The following PARD3 variants were observed in gnomAD, a reference collection of about 807,000 sequenced individuals.
The protein encoded by PARD3 is partitioning defective 3 homolog.
Under a neutral mutation model 155.4 loss-of-function variants are expected in PARD3, and 75 were observed. That is an observed-to-expected ratio of 0.48 (90% confidence interval 0.40 to 0.58). The LOEUF (loss-of-function observed/expected upper bound fraction) is 0.58, where lower values mean the gene tolerates loss of function less well. PARD3 is among the 20% of genes least tolerant of loss of function. PARD3 has a pLI of 0.00. For missense variants in PARD3, 1,642 were observed against 1,721.7 expected (o/e 0.95, Z 0.82); for synonymous variants, 576 against 610.5 (o/e 0.94, Z 0.83).
intron 1 of PARD3, among the ~76,000 whole-genome samples, chr10:34,715,629 C>G (rs570339056): frequency 2.0e-5 from 3 of 152,194 alleles, no homozygotes; most frequent in African/African-American, 7.2e-5. Flanking sequence ...CCCAGTCCCC[C>G]CAAAGCACTT....
intron 2 of PARD3, among the ~76,000 whole-genome samples, chr10:34,651,011 CAAAAAAAAAAAAAAAAAAAAAAA>C (rs60113552): frequency 0.096 from 4,294 of 44,578 alleles, 158 homozygotes; most frequent in Admixed American, 0.17. Context: ...AACTCTGTCT[CAAAAAAAAAAAAAAAAAAAAAAA>C]AAAAAAAAAA....
chr10:34,712,389 T>G (rs996148446), intron 1 of PARD3, among the ~76,000 whole-genome samples: 1 of 152,212 alleles, frequency 6.6e-6, no homozygotes, highest in African/African-American at 2.4e-5. Context: ...CACCTGGTGC[T>G]GCGCCCACCT....
chr10:34,516,446 G>C (rs1227819913), intron 3 of PARD3, among the ~76,000 whole-genome samples: 1 of 152,116 alleles, frequency 6.6e-6, no homozygotes, highest in Non-Finnish European at 1.5e-5. Flanking sequence ...GGAATACCCA[G>C]GGTCCTAGGA....
chr10:34,303,266 G>A (rs954981222), intron 20 of PARD3, among the ~76,000 whole-genome samples: 5 of 149,576 alleles, frequency 3.3e-5, no homozygotes, highest in Non-Finnish European at 7.4e-5. Context: ...AGTAACATCA[G>A]GCAACTGGCT....
intron 1 of PARD3, among the ~76,000 whole-genome samples, chr10:34,792,658 G>T (rs768155403): frequency 1.1e-4 from 16 of 152,092 alleles, no homozygotes; most frequent in African/African-American, 3.9e-4. Context: ...GTCGCCACCC[G>T]CTGGAGCTGC....
chr10:34,706,378 G>T (rs914547988), intron 1 of PARD3, among the ~76,000 whole-genome samples: 2 of 152,074 alleles, frequency 1.3e-5, no homozygotes, highest in Non-Finnish European at 2.9e-5. Context: ...GAAGCGTCAG[G>T]GTTGCTTGTC....
intron 6 of PARD3, among the ~76,000 whole-genome samples, chr10:34,399,986 A>G (rs1843721339): frequency 6.6e-6 from 1 of 152,226 alleles, no homozygotes; most frequent in African/African-American, 2.4e-5. Context: ...AGTCCAAGGG[A>G]GATCACCATT....
At chr10:34,225,749 T>C (rs774448836) in intron 22 of PARD3, among the ~76,000 whole-genome samples, 3 of 152,090 alleles carry the variant, frequency 2.0e-5, no homozygotes, top group Non-Finnish European at 2.9e-5. Context: ...AAATGGACCA[T>C]AGGCATGTAC....
chr10:34,637,283 C>T (rs1472556395), intron 2 of PARD3, among the ~76,000 whole-genome samples: 3 of 152,154 alleles, frequency 2.0e-5, no homozygotes, highest in Admixed American at 6.5e-5. Flanking sequence ...AGCATGCAAG[C>T]TTTTTCCCAA....
At chr10:34,532,492 GC>G (rs1191500622) in intron 2 of PARD3, among the ~76,000 whole-genome samples, 2 of 152,018 alleles carry the variant, frequency 1.3e-5, no homozygotes, top group African/African-American at 4.8e-5. Context: ...CACACCATGT[GC>G]CCGCTATGTG....
intron 21 of PARD3, among the ~76,000 whole-genome samples, chr10:34,273,764 A>G (rs1955745648): frequency 6.6e-6 from 1 of 152,222 alleles, no homozygotes; most frequent in Admixed American, 6.5e-5. Context: ...ACATAGCATT[A>G]CAAGCAAACT....
In PARD3 at chr10:34,485,929, T is replaced by G. The variant is rs1051687797; in HGVS notation, c.404-15666A>C. ...TTTAAACGTTTTGGGTTTTTTTTTT[T>G]TTTTTTTTTTTTGAGACAGGGTTTT... On this transcript the variant is annotated intron_variant, in intron 3 of 24. Coordinates refer to ENST00000374788, the MANE Select transcript of PARD3 (RefSeq NM_001184785.2). Among the ~76,000 whole-genome samples the G allele has an allele frequency of 7.4e-4, 110 of 148,924 alleles. 1 individual carries two copies. In the South Asian group the frequency reaches 7.6e-3, roughly 10 times the overall value.
intron 3 of PARD3, among the ~76,000 whole-genome samples, chr10:34,515,344 TA>T (rs1796369922): frequency 6.6e-6 from 1 of 152,250 alleles, no homozygotes; most frequent in East Asian, 1.9e-4. Context: ...TAAATAAAGC[TA>T]AATCTCTTGC....
chr10:34,274,975 G>A (rs1215480823), intron 21 of PARD3, among the ~76,000 whole-genome samples: 1 of 152,044 alleles, frequency 6.6e-6, no homozygotes, highest in Non-Finnish European at 1.5e-5. Context: ...TCCAAATGAC[G>A]CAGAAAATAA....
intron 1 of PARD3, among the ~76,000 whole-genome samples, chr10:34,801,796 T>C (rs1362433287): frequency 6.6e-6 from 1 of 152,186 alleles, no homozygotes; most frequent in Non-Finnish European, 1.5e-5. Flanking sequence ...TATGGGCACA[T>C]GAATTATAGA....
At chr10:34,320,999 A>C (rs1357798587) in intron 19 of PARD3, among the ~76,000 whole-genome samples, 2 of 152,214 alleles carry the variant, frequency 1.3e-5, no homozygotes, top group African/African-American at 2.4e-5. Context: ...TATACTTCAA[A>C]TTCTGAAATT....
intron 19 of PARD3, among the ~76,000 whole-genome samples, chr10:34,323,977 A>C (rs1250802182): frequency 2.0e-5 from 3 of 152,236 alleles, no homozygotes; most frequent in African/African-American, 7.2e-5. Context: ...ACACAATCGA[A>C]ATGACAGCAT....
intron 1 of PARD3, among the ~76,000 whole-genome samples, chr10:34,789,309 C>T (rs1374807971): frequency 2.0e-5 from 3 of 152,060 alleles, no homozygotes; most frequent in Non-Finnish European, 4.4e-5. Context: ...AAAAAAATTA[C>T]CAAAATTTTT....
chr10:34,514,615 A>G (rs1039817153), intron 3 of PARD3, among the ~76,000 whole-genome samples: 4 of 152,222 alleles, frequency 2.6e-5, no homozygotes, highest in African/African-American at 9.6e-5. Flanking sequence ...GAACAAGAAA[A>G]TAAGATTTGC....
Sources: allele counts gnomAD v4.1 joint callset (sites outside exome capture counted in the v4.1 genomes callset), GRCh38; gene constraint gnomAD v4.1.1; transcripts MANE v1.5; gene names NCBI Gene and HGNC (gene_info 2026-07-23, HGNC 2026-07-21).